Variants in SULF2 observed in about 807,000 individuals in gnomAD.
SULF2 encodes extracellular sulfatase Sulf-2.
SULF2 carries 52 observed loss-of-function variants against 107.7 expected under a neutral mutation model. The ratio of observed to expected loss-of-function variants is 0.48; its 90% CI spans 0.39 to 0.61. SULF2 has a LOEUF of 0.61. Among genes scored for constraint, SULF2 ranks in the 20% least tolerant of loss-of-function variants. The pLI is 0.00. For missense variants in SULF2, 993 were observed against 1,177.3 expected, an observed-to-expected ratio of 0.84 and a Z score of 2.29; for synonymous variants, 460 against 464.3, an observed-to-expected ratio of 0.99 and a Z score of 0.12.
intron 1 of SULF2, among the ~76,000 whole-genome samples, chr20:47,765,142 G>C (rs2090501175): frequency 6.6e-6 from 1 of 152,048 alleles, no homozygotes; most frequent in Non-Finnish European, 1.5e-5. Flanking sequence ...ACGAGGTCAG[G>C]AGATCGAGAC....
At chr20:47,756,384 A>T (rs7262219) in intron 2 of SULF2, among the ~76,000 whole-genome samples, 40,283 of 152,120 alleles carry the variant, frequency 0.26, 6,018 homozygotes, top group Non-Finnish European at 0.34. Flanking sequence ...GAGGAAAAAA[A>T]CTATACTTGT....
chr20:47,733,729 T>C (rs1375223908), intron 3 of SULF2, among the ~76,000 whole-genome samples: 1 of 152,292 alleles, frequency 6.6e-6, no homozygotes, highest in African/African-American at 2.4e-5. Context: ...GCTGAGACTG[T>C]GCCACTGCAC....
At chr20:47,665,171 T>C in intron 14 of SULF2, 28 bp downstream of exon 14, 1 of 1,489,264 alleles carries the variant, frequency 6.7e-7, no homozygotes, top group Non-Finnish European at 9.4e-7. Context: ...AGTGGGGTCT[T>C]AGGGAGGTCC....
At chr20:47,715,145 T>C (rs888404300) in intron 3 of SULF2, among the ~76,000 whole-genome samples, 2 of 150,056 alleles carry the variant, frequency 1.3e-5, no homozygotes, top group African/African-American at 4.9e-5. Flanking sequence ...TTGCCCAGGC[T>C]GGTCTCAATG....
Position 47,690,192 on chromosome 20 carries a change from G to A in SULF2, c.671C>T (p.Ala224Val), listed in dbSNP as rs772357718. 4.5e-6 allele frequency: 7 copies of A among 1,569,786 alleles called. No individual in the cohort carries two copies. Among genetic ancestry groups the A allele is most frequent in the African/African-American group, 1.4e-5 (1 of 73,322 alleles). ...RPVLMVISHA[A>V]PHGPEDSAPQ... ...GGCTGAATCCTCAGGGCCGTGGGGG[G>A]CTGCATGGCTGATGACCATGAGGAC... Residue 224 changes from alanine (A) to valine (V), a missense_variant, in exon 5 of 21, where the codon GCC (alanine) becomes GTC (valine). Physicochemically the swap from Ala to Val is moderately conservative, Grantham distance 64 (BLOSUM62 0). Coordinates refer to ENST00000688720, the MANE Select transcript of SULF2 (RefSeq NM_001387048.1).
At chr20:47,718,900 T>G (rs950696778) in intron 3 of SULF2, among the ~76,000 whole-genome samples, 22 of 152,212 alleles carry the variant, frequency 1.4e-4, no homozygotes, top group Non-Finnish European at 1.6e-4. Context: ...AGCATTTAGA[T>G]GGCACTTAAT....
At position 47,783,871 on chromosome 20, in the gene SULF2, C is replaced by T. The variant is rs1375982409; in HGVS notation, c.-101+1472G>A. The stretch of plus-strand genomic sequence containing the variant: ...GACAGGCTGTCTGGATGAGTTTTCT[C>T]TTCTCTATGATGTGGGAGAGACGAA... On this transcript the variant is annotated intron_variant, in intron 1 of 20. Coordinates refer to ENST00000688720, the MANE Select transcript of SULF2 (RefSeq NM_001387048.1). Among the ~76,000 whole-genome samples the T allele has an allele frequency of 3.3e-5, 5 of 152,220 alleles. No individual in the cohort carries two copies. In the East Asian group the frequency reaches 7.7e-4, roughly 23 times the overall value.
chr20:47,702,601 C>T lies in SULF2; in HGVS notation c.485G>A (p.Gly162Glu). The change falls in exon 4 of 21, where the codon GGA becomes GAA. Residue 162 changes from glycine (G) to glutamate (E), a missense_variant. Transcript: ENST00000688720. ...YVPPGWKEWV[G>E]LLKNSRFYNY... ...ATAAAAGCGGGAGTTTTTAAGGAGT[C>T]CGACCCACTCCTTCCAGCCGGGTGG... The T allele has an allele frequency of 1.2e-6, 2 of 1,613,728 alleles. No individual in the cohort carries two copies.
chr20:47,712,665 G>C (rs2088971522), intron 3 of SULF2, among the ~76,000 whole-genome samples: 1 of 152,204 alleles, frequency 6.6e-6, no homozygotes, highest in African/African-American at 2.4e-5. Flanking sequence ...GCAAGGTGGG[G>C]CAGCGCCCTC....
intron 1 of SULF2, among the ~76,000 whole-genome samples, chr20:47,762,353 A>G (rs75382321): frequency 8.5e-5 from 13 of 152,364 alleles, no homozygotes; most frequent in African/African-American, 3.1e-4. Context: ...AACCAATCAC[A>G]GGAAAACCTT....
intron 3 of SULF2, among the ~76,000 whole-genome samples, chr20:47,733,863 A>T (rs1436313298): frequency 6.6e-6 from 1 of 152,234 alleles, no homozygotes; most frequent in Non-Finnish European, 1.5e-5. Flanking sequence ...TAAATACATT[A>T]AAAGCACTAT....
At chr20:47,665,435 A>T in intron 13 of SULF2, 142 bp from the exon 14 acceptor site, 2 of 679,772 alleles carry the variant, frequency 2.9e-6, no homozygotes, top group South Asian at 3.4e-5. Context: ...AAGCACCGGC[A>T]TGTCTGGGTG....
chr20:47,783,108 T>C (rs2090861088), intron 1 of SULF2, among the ~76,000 whole-genome samples: 1 of 152,210 alleles, frequency 6.6e-6, no homozygotes, highest in Admixed American at 6.5e-5. Context: ...AGGGTATTTG[T>C]GTGGATTTAA....
At chr20:47,674,494 G>A (rs573664553) in intron 10 of SULF2, among the ~76,000 whole-genome samples, 21 of 152,322 alleles carry the variant, frequency 1.4e-4, no homozygotes, top group African/African-American at 2.6e-4. Flanking sequence ...CGTGTTGCCC[G>A]TGATGATCAT....
At position 47,694,894 on chromosome 20, in the gene SULF2, A is replaced by G. The variant is rs2088322533; in HGVS notation, c.568-4599T>C. Among the ~76,000 whole-genome samples the G allele has an allele frequency of 6.6e-6, 1 of 152,244 alleles. No individual in the cohort carries two copies. The highest frequency in any genetic ancestry group is 1.5e-5 in the Non-Finnish European group (1 of 68,042). On this transcript the variant is annotated intron_variant, in intron 4 of 20. Coordinates refer to ENST00000688720, the MANE Select transcript of SULF2 (RefSeq NM_001387048.1). This position sits in a 1 kb window ranked among gnomAD's most constrained non-coding sequence, Gnocchi z 4.4. ...GCTGATCGTCACAGCAACTTTGACA[A>G]GTGGACATTATACCCATTTTACAGA...
intron 1 of SULF2, among the ~76,000 whole-genome samples, chr20:47,783,295 T>C (rs140758214): frequency 8.8e-4 from 134 of 152,298 alleles, no homozygotes; most frequent in Non-Finnish European, 1.6e-3. Context: ...AGGACTAAAG[T>C]CTAAGGTCAG....
chr20:47,716,447 G>A (rs574447831), intron 3 of SULF2, among the ~76,000 whole-genome samples: 1 of 152,300 alleles, frequency 6.6e-6, no homozygotes, highest in East Asian at 1.9e-4. Flanking sequence ...GGAGGTTGCA[G>A]TAAGCTGAGA....
intron 17 of SULF2, 91 bp from the exon 18 acceptor site, chr20:47,661,987 T>C: frequency 7.6e-7 from 1 of 1,321,282 alleles, no homozygotes; most frequent in Non-Finnish European, 9.9e-7. Context: ...TTCAGGCAGG[T>C]GGCGGGTGGA....
intron 1 of SULF2, among the ~76,000 whole-genome samples, chr20:47,771,613 C>A (rs78803032): frequency 0.06 from 9,100 of 152,186 alleles, 384 homozygotes; most frequent in South Asian, 0.16. Context: ...AGCCGCCCAA[C>A]AACATGGAGG....
Sources: gnomAD v4.1 joint callset for allele counts (sites outside exome capture counted in the v4.1 genomes callset) on GRCh38, gnomAD v4.1.1 for gene constraint, Gnocchi (gnomAD v3.1) non-coding constraint, MANE v1.5 for transcripts, NCBI Gene and HGNC (gene_info 2026-07-23, HGNC 2026-07-21) for gene names.